Variants in LRRN1 observed in about 807,000 individuals in gnomAD.
The protein encoded by LRRN1 is leucine-rich repeat neuronal protein 1.
LRRN1 carries 14 observed loss-of-function variants against 45.8 expected under a neutral mutation model. The ratio of observed to expected loss-of-function variants is 0.31; its 90% CI spans 0.20 to 0.48. LRRN1 has a LOEUF of 0.48. Ranked by LOEUF, LRRN1 falls within the 20% of genes least tolerant of loss-of-function variation. The probability of loss-of-function intolerance (pLI) is 0.99; values close to 1 mark genes in which losing one functional copy is unlikely to be tolerated. For synonymous variants in LRRN1, 359 were observed against 330.1 expected, an observed-to-expected ratio of 1.09 and a Z score of -0.95; for missense variants, 789 against 874.2, an observed-to-expected ratio of 0.90 and a Z score of 1.23.
intron 1 of LRRN1, among the ~76,000 whole-genome samples, chr3:3,831,992 A>G (rs994651752): frequency 1.3e-5 from 2 of 152,260 alleles, no homozygotes; most frequent in Non-Finnish European, 2.9e-5. Context: ...TGCCATGTCA[A>G]TGGCTGCATA....
chr3:3,817,026 T>G (rs1336003987), intron 1 of LRRN1, among the ~76,000 whole-genome samples: 3 of 152,184 alleles, frequency 2.0e-5, no homozygotes, highest in African/African-American at 7.2e-5. Flanking sequence ...GCCTACGTGA[T>G]TATGGAGGCC....
chr3:3,814,397 C>T (rs1575283119), intron 1 of LRRN1, among the ~76,000 whole-genome samples: 1 of 151,674 alleles, frequency 6.6e-6, no homozygotes. Flanking sequence ...ATGGGCTGTA[C>T]CCATAAATGG....
At chr3:3,828,153 TTA>T (rs1439392278) in intron 1 of LRRN1, among the ~76,000 whole-genome samples, 2 of 138,650 alleles carry the variant, frequency 1.4e-5, no homozygotes, top group East Asian at 2.3e-4. Flanking sequence ...TATATATATA[TTA>T]TATATATATC....
intron 1 of LRRN1, chr3:3,800,821 G>T: frequency 6.5e-6 from 1 of 152,990 alleles, no homozygotes; most frequent in East Asian, 1.9e-4. Context: ...GGAAGCCTCA[G>T]CCCCGCCAGG....
At chr3:3,832,751 C>T (rs978166777) in intron 1 of LRRN1, among the ~76,000 whole-genome samples, 10 of 152,090 alleles carry the variant, frequency 6.6e-5, no homozygotes, top group East Asian at 3.9e-4. Flanking sequence ...GGAAATTGAG[C>T]GGTCATGATT....
At chr3:3,802,871 C>T (rs1308517574) in intron 1 of LRRN1, among the ~76,000 whole-genome samples, 3 of 152,146 alleles carry the variant, frequency 2.0e-5, no homozygotes. Context: ...TAAAAATGAC[C>T]CTCACATTTG....
intron 1 of LRRN1, among the ~76,000 whole-genome samples, chr3:3,836,033 T>G (rs1241119312): frequency 6.6e-6 from 1 of 152,184 alleles, no homozygotes; most frequent in Non-Finnish European, 1.5e-5. Context: ...AGCAGGACAT[T>G]TTCTTCTTAC....
chr3:3,837,061 A>G (rs1304589873), intron 1 of LRRN1, among the ~76,000 whole-genome samples: 2 of 152,150 alleles, frequency 1.3e-5, no homozygotes, highest in Non-Finnish European at 2.9e-5. Flanking sequence ...AAGATGAAAC[A>G]GGAAACCTCA....
chr3:3,827,379 G>GGCA, intron 1 of LRRN1: 1 of 454,578 alleles, frequency 2.2e-6, no homozygotes. Flanking sequence ...TGTAGCTGAA[G>GGCA]GCAGAGTGGC....
At chr3:3,840,338 G>A (rs1693622100) in intron 1 of LRRN1, among the ~76,000 whole-genome samples, 1 of 152,090 alleles carries the variant, frequency 6.6e-6, no homozygotes, top group African/African-American at 2.4e-5. Context: ...CTTGTTCATG[G>A]TATATAATCT....
At chr3:3,837,228 AGT>A (rs1693540272) in intron 1 of LRRN1, among the ~76,000 whole-genome samples, 1 of 152,240 alleles carries the variant, frequency 6.6e-6, no homozygotes, top group Non-Finnish European at 1.5e-5. Context: ...CTTTCCATGC[AGT>A]ATCAAGCAAG....
chr3:3,800,274 G>A (rs1226428975), intron 1 of LRRN1, among the ~76,000 whole-genome samples: 1 of 152,086 alleles, frequency 6.6e-6, no homozygotes, highest in Non-Finnish European at 1.5e-5. Context: ...GGTGCCCGGG[G>A]ACGGGGAGGG....
intron 1 of LRRN1, among the ~76,000 whole-genome samples, chr3:3,830,051 T>C (rs2083959): frequency 1.3e-5 from 2 of 152,112 alleles, no homozygotes; most frequent in African/African-American, 4.8e-5. Flanking sequence ...GAGCCCATGT[T>C]TAACCTATAT....
intron 1 of LRRN1, among the ~76,000 whole-genome samples, chr3:3,840,783 A>T (rs945128027): frequency 6.6e-6 from 1 of 152,180 alleles, no homozygotes; most frequent in Non-Finnish European, 1.5e-5. Flanking sequence ...AGTTGCTTGA[A>T]AAAGGTATGT....
chr3:3,819,235 C>T (rs984991165), intron 1 of LRRN1, among the ~76,000 whole-genome samples: 1 of 152,132 alleles, frequency 6.6e-6, no homozygotes, highest in Admixed American at 6.5e-5. Flanking sequence ...AAGCCTCCTG[C>T]CTCAGCTTCC....
chr3:3,821,833 G>T (rs192910805), intron 1 of LRRN1, among the ~76,000 whole-genome samples: 1 of 152,312 alleles, frequency 6.6e-6, no homozygotes, highest in East Asian at 1.9e-4. Context: ...AAGCACATTT[G>T]AATTGATTCA....
intron 1 of LRRN1, among the ~76,000 whole-genome samples, chr3:3,837,566 A>G (rs1575298784): frequency 6.6e-6 from 1 of 152,156 alleles, no homozygotes; most frequent in East Asian, 1.9e-4. Flanking sequence ...CCCTCACTCT[A>G]TAGTCCAAGG....
intron 1 of LRRN1, among the ~76,000 whole-genome samples, chr3:3,839,819 G>T (rs187620635): frequency 3.1e-4 from 47 of 152,146 alleles, no homozygotes; most frequent in Non-Finnish European, 6.0e-4. Flanking sequence ...ACTCATTTGT[G>T]TGTTGATTTT....
intron 1 of LRRN1, among the ~76,000 whole-genome samples, chr3:3,830,475 A>T (rs1478974463): frequency 6.6e-6 from 1 of 152,164 alleles, no homozygotes; most frequent in African/African-American, 2.4e-5. Context: ...TCCTTTAGGG[A>T]TGTCCTAAAA....
Sources: allele counts gnomAD v4.1 joint callset (sites outside exome capture counted in the v4.1 genomes callset), GRCh38; gene constraint gnomAD v4.1.1; transcripts MANE v1.5; gene names NCBI Gene and HGNC (gene_info 2026-07-23, HGNC 2026-07-21).